Variants in RBM12B observed in about 807,000 individuals in gnomAD.
The protein encoded by RBM12B is RNA-binding protein 12B.
A neutral mutation model predicts 34.3 loss-of-function variants in RBM12B; 10 were observed. The observed-to-expected ratio is 0.29, with a 90% CI of 0.18 to 0.49. RBM12B has a LOEUF of 0.49. Ranked by LOEUF, RBM12B falls within the 20% of genes least tolerant of loss-of-function variation. The probability of loss-of-function intolerance (pLI) is 0.99; values close to 1 mark genes in which losing one functional copy is unlikely to be tolerated. For synonymous variants in RBM12B, 477 were observed against 437.1 expected, an observed-to-expected ratio of 1.09 and a Z score of -1.14; for missense variants, 1,139 against 1,262.7, an observed-to-expected ratio of 0.90 and a Z score of 1.48.
rs987587653 is a variant in RBM12B at position 93,728,539 on chromosome 8, G to A, written c.*4866C>T. On this transcript the variant is annotated 3_prime_UTR_variant, in exon 4 of 4. Coordinates refer to ENST00000520560, the MANE Select transcript of RBM12B (RefSeq NM_001377960.1). Reference sequence around the variant, plus strand: ...GTAAGTGCCTTTTTTTTTAAAGATGGTGTATTTCAAAGTATTTCATATTAA... The same window carrying A: ...GTAAGTGCCTTTTTTTTTAAAGATGATGTATTTCAAAGTATTTCATATTAA... 3.6e-5 allele frequency: 12 copies of A among 333,328 alleles called. No homozygotes were observed. The highest frequency in any genetic ancestry group is 5.0e-5 in the Admixed American group (1 of 19,996). The allele number at this position is 333,328 out of a possible 1,614,324, so 20.6% of individuals were successfully genotyped here. A position where few individuals can be genotyped will look rare whatever the true frequency, so the allele number is the denominator to read the frequency against.
Position 93,728,398 on chromosome 8 carries a change from C to A in RBM12B, c.*5007G>T. 1 of 705,486 alleles carries A rather than the reference C, an allele frequency of 1.4e-6. No individual in the cohort carries two copies. The allele number at this position is 705,486 out of a possible 1,614,324, so 43.7% of individuals were successfully genotyped here. On this transcript the variant is annotated 3_prime_UTR_variant, in exon 4 of 4. Coordinates refer to ENST00000520560, the MANE Select transcript of RBM12B (RefSeq NM_001377960.1). ...GCTATGTTAAGCCTCAAAGTGAAGT[C>A]CAACTGGAAACAGAAAAATAATTAA... is the stretch of plus-strand genomic sequence containing the variant.
rs1811740771 is a variant in RBM12B at position 93,730,373 on chromosome 8, C to T, written c.*3032G>A. Reference sequence around the variant, plus strand: ...ACCTATCTCTTGGTTGTGGGATTGACTTTCTAGACATGATCTACATTTTTT... The same window carrying T: ...ACCTATCTCTTGGTTGTGGGATTGATTTTCTAGACATGATCTACATTTTTT... On this transcript the variant is annotated 3_prime_UTR_variant, in exon 4 of 4. Transcript: ENST00000520560. 1 of 152,128 alleles carries T rather than the reference C, an allele frequency of 6.6e-6. No individual in the cohort carries two copies. The highest frequency in any genetic ancestry group is 1.5e-5 in the Non-Finnish European group (1 of 68,028). 9.4% of individuals were successfully genotyped at this position (152,128 alleles called of 1,614,324 possible).
chr8:93,734,684 G>A lies in RBM12B; in HGVS notation c.1727C>T (p.Pro576Leu), dbSNP rs775149316. 11 of 1,613,388 alleles carry A rather than the reference G, an allele frequency of 6.8e-6. No individual in the cohort carries two copies. The highest frequency in any genetic ancestry group is 8.5e-6 in the Non-Finnish European group (10 of 1,179,558). Reference protein sequence around the residue: ...RFPPEDFRHSPEDFRRPREED... With the variant: ...RFPPEDFRHSLEDFRRPREED... ...CTCCCTAGGTCGCCTGAAGTCCTCT[G>A]GGGAGTGCCTGAAGTCCTCCGGGGG... The change falls in exon 4 of 4, where the codon CCA (proline) becomes CTA (leucine). Residue 576 changes from proline to leucine, a missense_variant. By Grantham distance (98) the Pro-to-Leu change is moderately conservative. This residue lies in a region of RBM12B where 863 missense variants were observed against 869.5 expected (regional missense o/e 0.99). Transcript: ENST00000520560.
chr8:93,733,901 C>A lies in RBM12B; in HGVS notation c.2510G>T (p.Cys837Phe). 1 of 1,613,028 alleles carries A rather than the reference C, an allele frequency of 6.2e-7. No homozygotes were observed. Among genetic ancestry groups the A allele is most frequent in the Admixed American group, 1.7e-5 (1 of 59,878 alleles). ...CTGCCTGAAGTCCTCATCAGAAGGG[C>A]ATCTAAAATCTTCCTCCTGGGGGCT... ...FRSPQEEDFRCPSDEDFRQLP... is the reference protein window; with the variant it reads ...FRSPQEEDFRFPSDEDFRQLP... The change falls in exon 4 of 4, where the codon TGC becomes TTC. Residue 837 changes from cysteine (C) to phenylalanine (F), a missense_variant. This residue lies in a region of RBM12B where 863 missense variants were observed against 869.5 expected (regional missense o/e 0.99). Transcript: ENST00000520560.
rs777332393 is a variant in RBM12B, at chr8:93,733,399, C to G, written c.*6G>C. 2.9e-5 allele frequency: 44 copies of G among 1,513,988 alleles called. No homozygotes were observed. Among genetic ancestry groups the G allele is most frequent in the Non-Finnish European group, 3.8e-5 (43 of 1,132,624 alleles). The allele number at this position is 1,513,988 out of a possible 1,614,324, so 93.8% of individuals were successfully genotyped here. Reference sequence around the variant, plus strand: ...GAAGATAACTGAATTTAGAAATGCTCTCTCTCTACAGCAAAGTTAACTTAA... The same window carrying G: ...GAAGATAACTGAATTTAGAAATGCTGTCTCTCTACAGCAAAGTTAACTTAA... On this transcript the variant is annotated 3_prime_UTR_variant, in exon 4 of 4. Coordinates refer to ENST00000520560, the MANE Select transcript of RBM12B (RefSeq NM_001377960.1).
In RBM12B at chr8:93,729,829, A is replaced by C. The variant is rs567852734; in HGVS notation, c.*3576T>G. The C allele has an allele frequency of 1.3e-5, 2 of 152,184 alleles. No homozygotes were observed. The highest frequency in any genetic ancestry group is 2.4e-5 in the African/African-American group (1 of 41,446). 9.4% of individuals were successfully genotyped at this position (152,184 alleles called of 1,614,324 possible). Reference sequence around the variant, plus strand: ...TAGCTTCCACTACAACAACAACAAAAAACAGGCAACCAATCCAACCAACCC... The same window carrying C: ...TAGCTTCCACTACAACAACAACAAACAACAGGCAACCAATCCAACCAACCC... On this transcript the variant is annotated 3_prime_UTR_variant, in exon 4 of 4. Transcript: ENST00000520560.
At position 93,730,938 on chromosome 8, in the gene RBM12B, A is replaced by T. The variant is rs1217864794; in HGVS notation, c.*2467T>A. 4.6e-5 allele frequency: 7 copies of T among 152,220 alleles called. No individual in the cohort carries two copies. The highest frequency in any genetic ancestry group is 1.3e-4 in the Admixed American group (2 of 15,282). The allele number at this position is 152,220 out of a possible 1,614,324, so 9.4% of individuals were successfully genotyped here. ...CATTCTGGGAGACCAAGGAGTGAGG[A>T]TTGCTTGAGGCCAGAAATTTGAGAA... On this transcript the variant is annotated 3_prime_UTR_variant, in exon 4 of 4. Coordinates refer to ENST00000520560, the MANE Select transcript of RBM12B (RefSeq NM_001377960.1).
At position 93,729,825 on chromosome 8, in the gene RBM12B, C is replaced by G. The variant is rs1364928098; in HGVS notation, c.*3580G>C. 1 of 152,104 alleles carries G rather than the reference C, an allele frequency of 6.6e-6. No homozygotes were observed. The highest frequency in any genetic ancestry group is 2.1e-4 in the South Asian group (1 of 4,830). The allele number at this position is 152,104 out of a possible 1,614,324, so 9.4% of individuals were successfully genotyped here. A position where few individuals can be genotyped will look rare whatever the true frequency, so the allele number is the denominator to read the frequency against. The stretch of plus-strand genomic sequence containing the variant: ...TTCCTAGCTTCCACTACAACAACAA[C>G]AAAAAACAGGCAACCAATCCAACCA... On this transcript the variant is annotated 3_prime_UTR_variant, in exon 4 of 4. Coordinates refer to ENST00000520560, the MANE Select transcript of RBM12B (RefSeq NM_001377960.1).
rs767881522 is a variant in RBM12B, at chr8:93,735,844, A to G, written c.567T>C (p.His189=). The change falls in exon 4 of 4, where the codon CAT becomes CAC. Residue 189 remains histidine (H), a synonymous_variant. Transcript: ENST00000520560. ...CVDGVIFLKH[H]DGRNNGDAIV... ...TGGCATCACCATTATTTCGGCCATC[A>G]TGATGTTTTAAGAAAATTACTCCAT... The G allele has an allele frequency of 5.6e-6, 9 of 1,614,080 alleles. No homozygotes were observed. The East Asian group carries it at 6.7e-5, about 12-fold the overall frequency.
chr8:93,735,453 CTT>C lies in RBM12B; in HGVS notation c.956_957del (p.Lys319ArgfsTer2), dbSNP rs1256588598. The part of the protein sequence containing the change: ...LTDEQIRFLY[K>X]DENRTRYAFV... ...AAGGCATATCTTGTTCTATTTTCATCTTTATATAAAAACCTAATCTGTTCATC... is the reference window on the plus strand; with the variant it reads ...AAGGCATATCTTGTTCTATTTTCATCTATATAAAAACCTAATCTGTTCATC... On this transcript the variant is annotated frameshift_variant, in exon 4 of 4. Transcript: ENST00000520560. LOFTEE classifies it low-confidence loss of function (END_TRUNC). 1 of 1,613,346 alleles carries C rather than the reference CTT, an allele frequency of 6.2e-7. No homozygotes were observed. Among genetic ancestry groups the C allele is most frequent in the Admixed American group, 1.7e-5 (1 of 59,994 alleles).
At position 93,729,693 on chromosome 8, in the gene RBM12B, T is replaced by C. The variant is rs919309488; in HGVS notation, c.*3712A>G. 2 of 152,208 alleles carry C rather than the reference T, an allele frequency of 1.3e-5. No homozygotes were observed. Among genetic ancestry groups the C allele is most frequent in the Admixed American group, 1.3e-4 (2 of 15,278 alleles). The allele number at this position is 152,208 out of a possible 1,614,324, so 9.4% of individuals were successfully genotyped here. On this transcript the variant is annotated 3_prime_UTR_variant, in exon 4 of 4. Transcript: ENST00000520560. ...TTGGCAAACTTCTTAAAGGGCCAGA[T>C]AGCAAATACTGTTATTCTTCGTGGG...
At position 93,734,595 on chromosome 8, in the gene RBM12B, G is replaced by A. The variant is rs1201208830; in HGVS notation, c.1816C>T (p.Pro606Ser). The change falls in exon 4 of 4, where the codon CCT becomes TCT. Residue 606 changes from proline to serine, a missense_variant. Physicochemically the swap from Pro to Ser is moderately conservative, Grantham distance 74 (BLOSUM62 -1). Coordinates refer to ENST00000520560, the MANE Select transcript of RBM12B (RefSeq NM_001377960.1). The part of the protein sequence containing the change: ...RRPWEEDFRR[P>S]PEDDFRHPRE... ...GGGTGCCTGAAGTCATCCTCCGGAG[G>A]GCGCCTGAAATCTTCCTCCCAAGGG... 1.2e-6 allele frequency: 2 copies of A among 1,612,712 alleles called. No individual in the cohort carries two copies. Among genetic ancestry groups the A allele is most frequent in the East Asian group, 2.2e-5 (1 of 44,762 alleles).
chr8:93,728,369 CTTTGCT>C lies in RBM12B; in HGVS notation c.*5030_*5035del. ...ACTAAATTGTAGAACTTTATACTCA[CTTTGCT>C]ATGTTAAGCCTCAAAGTGAAGTCCA... On this transcript the variant is annotated 3_prime_UTR_variant, in exon 4 of 4. Coordinates refer to ENST00000520560, the MANE Select transcript of RBM12B (RefSeq NM_001377960.1). The C allele has an allele frequency of 9.9e-7, 1 of 1,005,080 alleles. No homozygotes were observed. 62.3% of individuals were successfully genotyped at this position (1,005,080 alleles called of 1,614,324 possible).
At position 93,728,283 on chromosome 8, in the gene RBM12B, A is replaced by G. The variant is rs1811630527; in HGVS notation, c.*5122T>C. The G allele has an allele frequency of 6.3e-7, 1 of 1,582,966 alleles. No homozygotes were observed. Among genetic ancestry groups the G allele is most frequent in the Non-Finnish European group, 8.6e-7 (1 of 1,169,218 alleles). On this transcript the variant is annotated 3_prime_UTR_variant, in exon 4 of 4. Transcript: ENST00000520560. ...CGAGTTAGATGTTACAGAAGAAGAAAATTTTCTTAAGTAAACTACACATTT... is the reference window on the plus strand; with the variant it reads ...CGAGTTAGATGTTACAGAAGAAGAAGATTTTCTTAAGTAAACTACACATTT...
chr8:93,733,881 T>C lies in RBM12B; in HGVS notation c.2530A>G (p.Arg844Gly), dbSNP rs753565059. Residue 844 changes from arginine (R) to glycine (G), a missense_variant, in exon 4 of 4, where the codon AGG becomes GGG. Arg to Gly is a moderately radical substitution (Grantham distance 125, BLOSUM62 -2). This residue lies in a region of RBM12B where 863 missense variants were observed against 869.5 expected (regional missense o/e 0.99). Transcript: ENST00000520560. ...CTAAGGTCTTCCTCTGGGAGCTGCC[T>C]GAAGTCCTCATCAGAAGGGCATCTA... ...DFRCPSDEDF[R>G]QLPEEDLREA... The C allele has an allele frequency of 6.2e-7, 1 of 1,613,930 alleles. No individual in the cohort carries two copies. The highest frequency in any genetic ancestry group is 1.3e-5 in the African/African-American group (1 of 74,978).
In RBM12B at chr8:93,731,662, A is replaced by G. The variant is rs1246322348; in HGVS notation, c.*1743T>C. On this transcript the variant is annotated 3_prime_UTR_variant, in exon 4 of 4. Transcript: ENST00000520560. ...TAAGTACTGACAAAGTATTCTACCT[A>G]TGCAATATCCTATTAAATGTCTAAA... The G allele has an allele frequency of 2.0e-5, 3 of 152,292 alleles. No individual in the cohort carries two copies. Among genetic ancestry groups the G allele is most frequent in the South Asian group, 4.1e-4 (2 of 4,832 alleles). The allele number at this position is 152,292 out of a possible 1,614,324, so 9.4% of individuals were successfully genotyped here. A position where few individuals can be genotyped will look rare whatever the true frequency, so the allele number is the denominator to read the frequency against.
Position 93,735,616 on chromosome 8 carries a change from T to C in RBM12B, c.795A>G (p.Arg265=). Reference sequence around the variant, plus strand: ...TGGGAGATTTTGAATGAGACCGTTTTCGAAAATGTCTATCATTAATTCCTC... The same window carrying C: ...TGGGAGATTTTGAATGAGACCGTTTCCGAAAATGTCTATCATTAATTCCTC... ...PPRGINDRHF[R]KRSHSKSPRR... The change falls in exon 4 of 4, where the codon CGA becomes CGG. Residue 265 remains arginine, a synonymous_variant. Coordinates refer to ENST00000520560, the MANE Select transcript of RBM12B (RefSeq NM_001377960.1). 6.2e-7 allele frequency: 1 copy of C among 1,614,170 alleles called. No individual in the cohort carries two copies. Among genetic ancestry groups the C allele is most frequent in the Non-Finnish European group, 8.5e-7 (1 of 1,180,016 alleles).
Position 93,729,733 on chromosome 8 carries a change from A to G in RBM12B, c.*3672T>C, listed in dbSNP as rs1421460056. The G allele has an allele frequency of 1.3e-5, 2 of 152,202 alleles. No homozygotes were observed. The highest frequency in any genetic ancestry group is 4.8e-5 in the African/African-American group (2 of 41,454). The allele number at this position is 152,202 out of a possible 1,614,324, so 9.4% of individuals were successfully genotyped here. A position where few individuals can be genotyped will look rare whatever the true frequency, so the allele number is the denominator to read the frequency against. ...TTCTTCGTGGGTTTAGGCAAATTCA[A>G]GACTATTATACAGGTAACTATGTAA... On this transcript the variant is annotated 3_prime_UTR_variant, in exon 4 of 4. Coordinates refer to ENST00000520560, the MANE Select transcript of RBM12B (RefSeq NM_001377960.1).
At chr8:93,738,364 A>G (rs185883767) in intron 2 of RBM12B, among the ~76,000 whole-genome samples, 1 of 152,212 alleles carries the variant, frequency 6.6e-6, no homozygotes, top group African/African-American at 2.4e-5. Context: ...GAAAAATCTC[A>G]ATGTAATTTT....
Sources: allele counts gnomAD v4.1 joint callset (sites outside exome capture counted in the v4.1 genomes callset), GRCh38; gene constraint gnomAD v4.1.1; regional missense constraint gnomAD v4.1.1; transcripts MANE v1.5; gene names NCBI Gene and HGNC (gene_info 2026-07-23, HGNC 2026-07-21).